Variants in SCHIP1 observed in about 807,000 individuals in gnomAD.
SCHIP1 encodes schwannomin interacting protein 1.
A neutral mutation model predicts 29.7 loss-of-function variants in SCHIP1; 8 were observed. The ratio of observed to expected loss-of-function variants is 0.27; its 90% CI spans 0.16 to 0.49. The LOEUF is 0.49. Among genes scored for constraint, SCHIP1 ranks in the 20% least tolerant of loss-of-function variants. The pLI is 0.99. For synonymous variants in SCHIP1, 76 were observed against 94.9 expected, an observed-to-expected ratio of 0.80 and a Z score of 1.16; for missense variants, 193 against 294.6, an observed-to-expected ratio of 0.66 and a Z score of 2.52.
the SCHIP1 span, among the ~76,000 whole-genome samples, chr3:159,351,684 G>A: frequency 5.3e-5 from 8 of 152,302 alleles, no homozygotes; most frequent in Middle Eastern, 3.4e-3. Flanking sequence ...TGCATCGATT[G>A]TGTTTTAATA....
chr3:159,887,413 AT>A (rs1717070910), intron 3 of SCHIP1: 1 of 321,450 alleles, frequency 3.1e-6, no homozygotes, highest in African/African-American at 2.1e-5. Flanking sequence ...ATATTTTGTT[AT>A]GTCTGTTCAC....
the SCHIP1 span, among the ~76,000 whole-genome samples, chr3:159,531,723 T>C: frequency 6.6e-6 from 1 of 152,202 alleles, no homozygotes; most frequent in African/African-American, 2.4e-5. Context: ...GATTCAGATT[T>C]GGAGTAATGC....
chr3:159,670,103 T>C, the SCHIP1 span, among the ~76,000 whole-genome samples: 1 of 152,224 alleles, frequency 6.6e-6, no homozygotes. Context: ...GTAGGGAACA[T>C]TTGTATCCTG....
chr3:159,393,513 G>C, the SCHIP1 span, among the ~76,000 whole-genome samples: 1 of 151,956 alleles, frequency 6.6e-6, no homozygotes, highest in Non-Finnish European at 1.5e-5. Context: ...GAGGGATCCA[G>C]TTTCAGCTTT....
the SCHIP1 span, among the ~76,000 whole-genome samples, chr3:159,381,819 C>T: frequency 6.6e-6 from 1 of 152,214 alleles, no homozygotes; most frequent in East Asian, 1.9e-4. Context: ...TGGTCTCGAA[C>T]TCTTGGTCTC....
the SCHIP1 span, among the ~76,000 whole-genome samples, chr3:159,382,998 T>C: frequency 1.7e-4 from 26 of 150,466 alleles, no homozygotes; most frequent in East Asian, 4.7e-3. Context: ...TTGTAGATTC[T>C]GGATATTAGC....
chr3:159,587,522 A>T, the SCHIP1 span, among the ~76,000 whole-genome samples: 2 of 152,298 alleles, frequency 1.3e-5, no homozygotes, highest in African/African-American at 4.8e-5. Context: ...CACAACGTGC[A>T]GGTTTGTTAC....
the SCHIP1 span, among the ~76,000 whole-genome samples, chr3:159,406,397 C>T: frequency 6.6e-6 from 1 of 152,152 alleles, no homozygotes; most frequent in Non-Finnish European, 1.5e-5. Flanking sequence ...AAATATTCTT[C>T]AAACATCAAG....
the SCHIP1 span, among the ~76,000 whole-genome samples, chr3:159,545,254 G>C: frequency 6.6e-6 from 1 of 152,098 alleles, no homozygotes; most frequent in Non-Finnish European, 1.5e-5. Context: ...TGGTGTGTCT[G>C]TGAGGGTGTT....
the SCHIP1 span, among the ~76,000 whole-genome samples, chr3:159,687,428 T>C: frequency 6.6e-6 from 1 of 152,200 alleles, no homozygotes; most frequent in Non-Finnish European, 1.5e-5. Context: ...CTGTTTTATG[T>C]TTATTGTATA....
At chr3:159,391,932 T>C in the SCHIP1 span, among the ~76,000 whole-genome samples, 1 of 152,176 alleles carries the variant, frequency 6.6e-6, no homozygotes, top group South Asian at 2.1e-4. Flanking sequence ...ATGACACTCA[T>C]TATGTCAGAC....
chr3:159,777,395 A>G, the SCHIP1 span, among the ~76,000 whole-genome samples: 1 of 152,174 alleles, frequency 6.6e-6, no homozygotes, highest in Non-Finnish European at 1.5e-5. Flanking sequence ...TTGACACCAG[A>G]GTAGCTTTTT....
At chr3:159,440,620 A>G in the SCHIP1 span, among the ~76,000 whole-genome samples, 1 of 152,164 alleles carries the variant, frequency 6.6e-6, no homozygotes, top group Admixed American at 6.6e-5. Context: ...TTAATTCATT[A>G]CTAGCCATAT....
chr3:159,397,035 T>C, the SCHIP1 span, among the ~76,000 whole-genome samples: 2 of 150,096 alleles, frequency 1.3e-5, no homozygotes. Flanking sequence ...TATTCTTTTT[T>C]CTCTAAACTT....
chr3:159,445,189 A>G, the SCHIP1 span, among the ~76,000 whole-genome samples: 1 of 152,184 alleles, frequency 6.6e-6, no homozygotes, highest in Non-Finnish European at 1.5e-5. Context: ...AGAAAAAAAC[A>G]AACAACCCCA....
At chr3:159,521,559 G>A in the SCHIP1 span, among the ~76,000 whole-genome samples, 2 of 152,304 alleles carry the variant, frequency 1.3e-5, no homozygotes, top group East Asian at 3.9e-4. Context: ...TTTCACCCAG[G>A]TGCCTTCACT....
chr3:159,630,852 C>T, the SCHIP1 span, among the ~76,000 whole-genome samples: 1 of 152,060 alleles, frequency 6.6e-6, no homozygotes, highest in African/African-American at 2.4e-5. Flanking sequence ...CCACCTGTTC[C>T]CCAAAAGCCT....
At chr3:159,426,679 T>C in the SCHIP1 span, among the ~76,000 whole-genome samples, 1 of 152,196 alleles carries the variant, frequency 6.6e-6, no homozygotes, top group Non-Finnish European at 1.5e-5. Flanking sequence ...CCCTAACTCA[T>C]TTTATGAGGC....
the SCHIP1 span, among the ~76,000 whole-genome samples, chr3:159,758,384 C>T: frequency 3.9e-5 from 6 of 152,274 alleles, 1 homozygote; most frequent in South Asian, 8.3e-4. Context: ...AACTCCTGAC[C>T]TTGTGATCCG....
Sources: allele counts gnomAD v4.1 joint callset (sites outside exome capture counted in the v4.1 genomes callset), GRCh38; gene constraint gnomAD v4.1.1; transcripts MANE v1.5; gene names NCBI Gene and HGNC (gene_info 2026-07-23, HGNC 2026-07-21).